SNX29: variants seen among roughly 807,000 people sequenced by gnomAD.
SNX29 encodes the protein sorting nexin 29, also known as sorting nexin-29.
A neutral mutation model predicts 102.1 loss-of-function variants in SNX29; 78 were observed. The ratio of observed to expected loss-of-function variants is 0.76; its 90% CI spans 0.64 to 0.92. The LOEUF is 0.92. SNX29 is among the 40% of genes least tolerant of loss of function. The pLI is 0.00. For synonymous variants in SNX29, 580 were observed against 414.5 expected (o/e 1.40, Z -4.85); for missense variants, 1,280 against 1,061.7 (o/e 1.21, Z -2.86).
At chr16:12,538,992 A>T (rs529176101) in intron 20 of SNX29, among the ~76,000 whole-genome samples, 2 of 152,352 alleles carry the variant, frequency 1.3e-5, no homozygotes, top group East Asian at 3.9e-4. Context: ...AAGATAGAAC[A>T]GACCAGTAAT....
intron 15 of SNX29, among the ~76,000 whole-genome samples, chr16:12,299,505 A>G (rs2080093117): frequency 6.6e-6 from 1 of 152,082 alleles, no homozygotes; most frequent in Non-Finnish European, 1.5e-5. Context: ...CCCTTCTTGT[A>G]CTTCATGCCC....
chr16:12,208,220 G>A lies in SNX29; in HGVS notation c.1678+8537G>A, dbSNP rs554801677. ...GGCCCACCTGGGTGCGGAGGGTCTC[G>A]GAAGTGTTCTCTCTGGCCGGGCAGC... On this transcript the variant is annotated intron_variant, in intron 14 of 20. Coordinates refer to ENST00000566228, the MANE Select transcript of SNX29 (RefSeq NM_032167.5). Among the ~76,000 whole-genome samples the A allele has an allele frequency of 6.6e-5, 10 of 152,314 alleles. No homozygotes were observed. The South Asian group carries it at 1.2e-3, about 19-fold the overall frequency.
chr16:12,321,102 C>G (rs958222368), intron 15 of SNX29, among the ~76,000 whole-genome samples: 1 of 152,164 alleles, frequency 6.6e-6, no homozygotes, highest in Admixed American at 6.5e-5. Context: ...CTGCCTCCTC[C>G]AGGTCTCAGC....
At chr16:12,192,963 A>G (rs544039712) in intron 13 of SNX29, among the ~76,000 whole-genome samples, 5 of 152,212 alleles carry the variant, frequency 3.3e-5, no homozygotes, top group South Asian at 4.1e-4. Flanking sequence ...CGGCCTCCCA[A>G]AGTGCTGGGA....
At chr16:12,497,807 A>G (rs932975643) in intron 19 of SNX29, among the ~76,000 whole-genome samples, 1 of 152,184 alleles carries the variant, frequency 6.6e-6, no homozygotes, top group African/African-American at 2.4e-5. Context: ...TTGTTTTCCC[A>G]GTAGTTTCAG....
intron 18 of SNX29, among the ~76,000 whole-genome samples, chr16:12,448,194 C>T (rs1370868211): frequency 6.6e-6 from 1 of 152,168 alleles, no homozygotes; most frequent in Admixed American, 6.5e-5. Flanking sequence ...AGTGACAAAA[C>T]CAAGGCTTGC....
At chr16:12,059,645 C>A (rs956358418) in intron 8 of SNX29, among the ~76,000 whole-genome samples, 3 of 152,140 alleles carry the variant, frequency 2.0e-5, no homozygotes, top group Non-Finnish European at 4.4e-5. Context: ...TCCCTGCCTG[C>A]GGACCAAACC....
chr16:11,999,524 G>A (rs2056210147), intron 2 of SNX29, among the ~76,000 whole-genome samples, 166 bp downstream of exon 2: 1 of 152,176 alleles, frequency 6.6e-6, no homozygotes, highest in Non-Finnish European at 1.5e-5. Flanking sequence ...CAGTGAACAC[G>A]GTCAAGGTTG....
intron 13 of SNX29, among the ~76,000 whole-genome samples, chr16:12,139,406 G>A (rs967599598): frequency 2.6e-5 from 4 of 152,142 alleles, no homozygotes; most frequent in African/African-American, 9.7e-5. Flanking sequence ...GCAGTGGCCC[G>A]TCCTTGCACC....
intron 20 of SNX29, among the ~76,000 whole-genome samples, chr16:12,536,631 T>C (rs1444968150): frequency 6.6e-6 from 1 of 151,976 alleles, no homozygotes; most frequent in Non-Finnish European, 1.5e-5. Flanking sequence ...GCAGCAGGGG[T>C]GTATACAGCT....
At chr16:12,101,105 C>G (rs1312887002) in intron 11 of SNX29, among the ~76,000 whole-genome samples, 1 of 152,160 alleles carries the variant, frequency 6.6e-6, no homozygotes, top group East Asian at 1.9e-4. Context: ...CACTCTTCTT[C>G]TACCACCATT....
chr16:12,158,894 G>C (rs922621177), intron 13 of SNX29, among the ~76,000 whole-genome samples: 1 of 152,212 alleles, frequency 6.6e-6, no homozygotes, highest in Non-Finnish European at 1.5e-5. Context: ...TTAGTGCCCA[G>C]TAAATTGTTG....
chr16:12,442,705 C>G (rs2085864698), intron 18 of SNX29, among the ~76,000 whole-genome samples: 1 of 152,060 alleles, frequency 6.6e-6, no homozygotes, highest in Admixed American at 6.5e-5. Context: ...ATCCTCCCAC[C>G]TCAACCTCTC....
chr16:12,155,289 G>A (rs911687037), intron 13 of SNX29, among the ~76,000 whole-genome samples: 1 of 152,226 alleles, frequency 6.6e-6, no homozygotes, highest in Non-Finnish European at 1.5e-5. Flanking sequence ...TATATTCTAT[G>A]TATTAAGCTG....
chr16:12,530,076 C>G (rs1437738783), intron 20 of SNX29, among the ~76,000 whole-genome samples: 1 of 152,264 alleles, frequency 6.6e-6, no homozygotes, highest in Non-Finnish European at 1.5e-5. Flanking sequence ...GTTCCAACTA[C>G]TCCCTCTTGC....
chr16:12,273,849 C>T lies in SNX29; in HGVS notation c.1679-4084C>T, dbSNP rs543263524. On this transcript the variant is annotated intron_variant, in intron 14 of 20. Coordinates refer to ENST00000566228, the MANE Select transcript of SNX29 (RefSeq NM_032167.5). ...TGGGCTCAGGTAATCTGCAGCCTTT[C>T]GGATCTGGCTTCTTTCCCCTGGCTG... Among the ~76,000 whole-genome samples the T allele has an allele frequency of 4.6e-5, 7 of 152,328 alleles. No homozygotes were observed. The East Asian group carries it at 7.7e-4, about 17-fold the overall frequency.
rs149084376 is a variant in SNX29, at chr16:11,979,540, C to G, written c.7+2727C>G. ...AAAATAAAGTGGCATGGAAATATTT[C>G]CTCTTTCTTCTGTTCCCCACTTATA... On this transcript the variant is annotated intron_variant, in intron 1 of 20. Transcript: ENST00000566228. Among the ~76,000 whole-genome samples the G allele has an allele frequency of 6.0e-3, 913 of 152,098 alleles. 5 individuals are homozygous for G. The highest frequency in any genetic ancestry group is 8.6e-3 in the Non-Finnish European group (588 of 68,000).
chr16:12,563,023 T>A (rs115996658), intron 20 of SNX29, among the ~76,000 whole-genome samples: 39,550 of 151,790 alleles, frequency 0.26, 5,724 homozygotes, highest in East Asian at 0.44. Flanking sequence ...AAACCGTGTT[T>A]ACATCATTGC....
At chr16:12,319,449 AC>A (rs1397281293) in intron 15 of SNX29, among the ~76,000 whole-genome samples, 1 of 152,164 alleles carries the variant, frequency 6.6e-6, no homozygotes, top group Non-Finnish European at 1.5e-5. Context: ...AGCTATGATC[AC>A]CCCAGCCTGG....
Sources: gnomAD v4.1 joint callset for allele counts (sites outside exome capture counted in the v4.1 genomes callset) on GRCh38, gnomAD v4.1.1 for gene constraint, MANE v1.5 for transcripts, NCBI Gene and HGNC (gene_info 2026-07-23, HGNC 2026-07-21) for gene names.